The following CACNA2D3 variants were observed in gnomAD, a reference collection of about 807,000 sequenced individuals.
CACNA2D3 encodes voltage-dependent calcium channel subunit alpha-2/delta-3.
A neutral mutation model predicts 160.6 loss-of-function variants in CACNA2D3; 60 were observed. The ratio of observed to expected loss-of-function variants is 0.37; its 90% confidence interval spans 0.30 to 0.46. The LOEUF (loss-of-function observed/expected upper bound fraction) is 0.46. CACNA2D3 is among the 20% of genes least tolerant of loss of function. CACNA2D3 has a pLI of 1.00. For missense variants in CACNA2D3, 1,205 were observed against 1,365.0 expected (o/e 0.88, Z 1.85); for synonymous variants, 558 against 492.9 (o/e 1.13, Z -1.75).
chr3:54,653,866 A>T (rs1446876298), intron 11 of CACNA2D3, among the ~76,000 whole-genome samples: 1 of 152,082 alleles, frequency 6.6e-6, no homozygotes, highest in East Asian at 1.9e-4. Flanking sequence ...GACAGTGTAC[A>T]TTCTCTCCAG....
At chr3:54,240,454 A>C (rs1435330934) in intron 2 of CACNA2D3, among the ~76,000 whole-genome samples, 1 of 152,204 alleles carries the variant, frequency 6.6e-6, no homozygotes, top group Non-Finnish European at 1.5e-5. Context: ...CATAATCAGA[A>C]AGACAGAAGT....
At chr3:54,883,645 A>G (rs1288373997) in intron 21 of CACNA2D3, among the ~76,000 whole-genome samples, 2 of 152,208 alleles carry the variant, frequency 1.3e-5, no homozygotes, top group East Asian at 3.9e-4. Flanking sequence ...CTCTAAACCC[A>G]GTTTTCTGGG....
chr3:54,315,217 A>C (rs148122100), intron 2 of CACNA2D3, among the ~76,000 whole-genome samples: 77 of 152,240 alleles, frequency 5.1e-4, no homozygotes, highest in Middle Eastern at 6.8e-3. Flanking sequence ...CCCCTCCAGA[A>C]TGGGCTTGCT....
chr3:54,786,661 A>G (rs1415285572), intron 13 of CACNA2D3, among the ~76,000 whole-genome samples: 1 of 152,210 alleles, frequency 6.6e-6, no homozygotes, highest in East Asian at 1.9e-4. Context: ...ATAAGTTTAA[A>G]TCTTAAAAAA....
intron 24 of CACNA2D3, 27 bp from the exon 25 acceptor site, chr3:54,891,328 C>T: frequency 6.5e-7 from 1 of 1,547,260 alleles, no homozygotes; most frequent in Non-Finnish European, 8.9e-7. Context: ...TAGAGGCCTC[C>T]CCCTGACGTC....
chr3:54,940,221 A>C (rs1028834231), intron 27 of CACNA2D3, among the ~76,000 whole-genome samples: 1 of 152,224 alleles, frequency 6.6e-6, no homozygotes, highest in Non-Finnish European at 1.5e-5. Context: ...CAGTTTTAAA[A>C]GTAGATGGGT....
At chr3:54,679,284 C>T (rs1463097800) in intron 11 of CACNA2D3, among the ~76,000 whole-genome samples, 4 of 152,200 alleles carry the variant, frequency 2.6e-5, no homozygotes, top group African/African-American at 9.7e-5. Flanking sequence ...GACTAGCCTG[C>T]TCTAGGCATT....
At chr3:54,890,259 G>A (rs1700025858) in intron 24 of CACNA2D3, among the ~76,000 whole-genome samples, 1 of 152,138 alleles carries the variant, frequency 6.6e-6, no homozygotes, top group Non-Finnish European at 1.5e-5. Flanking sequence ...CACTTTGGGA[G>A]GCCGAGGTGG....
intron 4 of CACNA2D3, among the ~76,000 whole-genome samples, chr3:54,406,261 A>G (rs967891039): frequency 6.6e-6 from 1 of 152,104 alleles, no homozygotes; most frequent in African/African-American, 2.4e-5. Flanking sequence ...TAATTGCGCC[A>G]TTTTCCACAA....
intron 11 of CACNA2D3, among the ~76,000 whole-genome samples, chr3:54,681,706 CAG>C (rs1186204336): frequency 1.3e-5 from 2 of 152,058 alleles, no homozygotes; most frequent in South Asian, 2.1e-4. Flanking sequence ...CTTTCTGAAA[CAG>C]AGTCTCGCTT....
intron 5 of CACNA2D3, among the ~76,000 whole-genome samples, chr3:54,524,019 A>G (rs111961011): frequency 0.01 from 1,555 of 150,792 alleles, 16 homozygotes; most frequent in African/African-American, 0.035. Context: ...TCTAGTCTTT[A>G]TTATTTCTTT....
chr3:54,296,581 C>T (rs1029098753), intron 2 of CACNA2D3, among the ~76,000 whole-genome samples: 1 of 152,198 alleles, frequency 6.6e-6, no homozygotes, highest in Non-Finnish European at 1.5e-5. Context: ...TCCAATTGCT[C>T]ACATTATCCT....
At chr3:55,068,133 GCAGA>G (rs1206266196) in intron 35 of CACNA2D3, among the ~76,000 whole-genome samples, 1 of 152,214 alleles carries the variant, frequency 6.6e-6, no homozygotes, top group East Asian at 1.9e-4. Flanking sequence ...GCCTAAGCAG[GCAGA>G]AGGTGCCTGC....
chr3:54,433,070 A>G (rs1249630949), intron 4 of CACNA2D3, among the ~76,000 whole-genome samples: 2 of 152,246 alleles, frequency 1.3e-5, no homozygotes, highest in Non-Finnish European at 2.9e-5. Flanking sequence ...CAAGCAAAAA[A>G]TGAACACACA....
At chr3:54,935,010 C>A (rs1047794617) in intron 27 of CACNA2D3, among the ~76,000 whole-genome samples, 1 of 152,216 alleles carries the variant, frequency 6.6e-6, no homozygotes, top group Non-Finnish European at 1.5e-5. Context: ...AGTGCTGGGA[C>A]TGCAGGCATG....
At chr3:54,244,146 C>T (rs191688881) in intron 2 of CACNA2D3, among the ~76,000 whole-genome samples, 7 of 152,090 alleles carry the variant, frequency 4.6e-5, no homozygotes, top group East Asian at 3.9e-4. Flanking sequence ...GCACTGCGAC[C>T]GTGGAGTGAG....
At position 54,778,248 on chromosome 3, in the gene CACNA2D3, C is replaced by T. The variant is rs147180129; in HGVS notation, c.1380+13897C>T. ...AAGGGGGGACATCAGCAGCAATGATCCAGTCACCTCCCGGCAGGCCCCTTC... is the reference window on the plus strand; with the variant it reads ...AAGGGGGGACATCAGCAGCAATGATTCAGTCACCTCCCGGCAGGCCCCTTC... On this transcript the variant is annotated intron_variant, in intron 13 of 37. Transcript: ENST00000474759. Among the ~76,000 whole-genome samples the T allele has an allele frequency of 5.5e-4, 83 of 152,244 alleles. No homozygotes were observed. In the East Asian group the frequency reaches 0.013, roughly 24 times the overall value.
At chr3:54,350,252 G>A (rs755572222) in intron 3 of CACNA2D3, among the ~76,000 whole-genome samples, 7 of 152,050 alleles carry the variant, frequency 4.6e-5, no homozygotes, top group Non-Finnish European at 8.8e-5. Flanking sequence ...CTCCAAATGG[G>A]TTTCTAGTTA....
chr3:54,888,095 C>T, intron 24 of CACNA2D3, 43 bp downstream of exon 24: 1 of 1,360,888 alleles, frequency 7.3e-7, no homozygotes, highest in Non-Finnish European at 1.1e-6. Context: ...CATTTCCTCA[C>T]CAACACTCCG....
Sources: gnomAD v4.1 joint callset for allele counts (sites outside exome capture counted in the v4.1 genomes callset) on GRCh38, gnomAD v4.1.1 for gene constraint, MANE v1.5 for transcripts, NCBI Gene and HGNC (gene_info 2026-07-23, HGNC 2026-07-21) for gene names.